GUCY2F: variants seen among roughly 807,000 people sequenced by gnomAD.
The protein encoded by GUCY2F is guanylate cyclase 2F, retinal, also known as retinal guanylyl cyclase 2.
A neutral mutation model predicts 73.1 loss-of-function variants in GUCY2F; 61 were observed. The observed-to-expected ratio is 0.83, with a 90% CI of 0.68 to 1.03. The LOEUF is 1.03. Ranked by LOEUF, GUCY2F falls within the 50% of genes least tolerant of loss-of-function variation. GUCY2F has a pLI of 0.00. For synonymous variants in GUCY2F, 331 were observed against 307.8 expected, an observed-to-expected ratio of 1.08 and a Z score of -0.79; for missense variants, 912 against 854.3, an observed-to-expected ratio of 1.07 and a Z score of -0.84.
intron 17 of GUCY2F, among the ~76,000 whole-genome samples, chrX:109,379,000 A>C (rs1220250616): frequency 8.9e-6 from 1 of 112,409 alleles, no homozygotes; most frequent in African/African-American, 3.2e-5. Flanking sequence ...AGATGAATGG[A>C]TAAAAAAAAT....
rs1052780092 is a variant in GUCY2F, at chrX:109,409,171, G to A, written c.1792-3C>T. The A allele has an allele frequency of 9.6e-7, 1 of 1,043,544 alleles. No homozygotes were observed. Among genetic ancestry groups the A allele is most frequent in the Middle Eastern group, 2.5e-4 (1 of 3,958 alleles). The allele number at this position is 1,043,544 out of a possible 1,213,427, so 86.0% of individuals were successfully genotyped here. ...TTCTCATGACGCAAGTCCTTCATCT[G>A]GAAATGAGAGACAGAAATGAGAGTC... is the stretch of plus-strand genomic sequence containing the variant. On this transcript the variant is annotated splice_region_variant and splice_polypyrimidine_tract_variant and intron_variant, in intron 8 of 19. Transcript: ENST00000218006.
Position 109,475,276 on chromosome X carries a change from T to G in GUCY2F, c.661A>C (p.Thr221Pro), listed in dbSNP as rs202148546. ...SHGLPVGVVL[T>P]TGQDSQSMRK... The stretch of plus-strand genomic sequence containing the variant: ...ATGCTTTGGCTGTCTTGTCCTGTGG[T>G]CAGGACGACCCCTACAGGTAAGCCG... The change falls in exon 2 of 20, where the codon ACC becomes CCC. Residue 221 changes from threonine to proline, a missense_variant. By Grantham distance (38) the Thr-to-Pro change is conservative. Coordinates refer to ENST00000218006, the MANE Select transcript of GUCY2F (RefSeq NM_001522.3). 26 of 1,207,549 alleles carry G rather than the reference T, an allele frequency of 2.2e-5. No individual in the cohort carries two copies. The Admixed American group carries it at 3.7e-4, about 17-fold the overall frequency.
chrX:109,445,595 T>G (rs952420242), intron 6 of GUCY2F, among the ~76,000 whole-genome samples: 2 of 111,967 alleles, frequency 1.8e-5, no homozygotes, highest in Non-Finnish European at 3.8e-5. Flanking sequence ...CTTTTTGATG[T>G]GCTGCTGGAT....
Position 109,385,252 on chromosome X carries a change from G to T in GUCY2F, c.2987C>A (p.Thr996Asn). The change falls in exon 16 of 20, where the codon ACC (threonine) becomes AAC (asparagine). Residue 996 changes from threonine (T) to asparagine (N), a missense_variant. Coordinates refer to ENST00000218006, the MANE Select transcript of GUCY2F (RefSeq NM_001522.3). ...GPVVAGVVGL[T>N]MPRYCLFGDT... ...TCCAAACAAGCAGTATCTGGGCATG[G>T]TGAGGCCCACCACTCCAGCAACAAC... 1 of 1,187,548 alleles carries T rather than the reference G, an allele frequency of 8.4e-7. No individual in the cohort carries two copies. The highest frequency in any genetic ancestry group is 1.1e-6 in the Non-Finnish European group (1 of 874,990).
At chrX:109,389,977 G>A (rs750940245) in intron 14 of GUCY2F, among the ~76,000 whole-genome samples, 2 of 112,033 alleles carry the variant, frequency 1.8e-5, no homozygotes, top group East Asian at 5.6e-4. Context: ...GCAATTTGAG[G>A]AAAGGATACC....
At chrX:109,461,213 T>TAGCATTTAG (rs1250504387) in intron 3 of GUCY2F, among the ~76,000 whole-genome samples, 1 of 111,836 alleles carries the variant, frequency 8.9e-6, no homozygotes, top group Non-Finnish European at 1.9e-5. Context: ...AGTAGCAGCA[T>TAGCATTTAG]AGCATTTAGA....
At chrX:109,420,523 C>G (rs1210406244) in intron 8 of GUCY2F, among the ~76,000 whole-genome samples, 1 of 110,693 alleles carries the variant, frequency 9.0e-6, no homozygotes, top group Non-Finnish European at 1.9e-5. Context: ...CAGAAGACAT[C>G]ATAGACAAGC....
chrX:109,430,218 A>C (rs1931579117), intron 8 of GUCY2F, 89 bp downstream of exon 8: 2 of 581,572 alleles, frequency 3.4e-6, no homozygotes, highest in South Asian at 5.2e-5. Flanking sequence ...TGATTTGTTA[A>C]GGGGTCTTCC....
Sources: gnomAD v4.1 joint callset for allele counts (sites outside exome capture counted in the v4.1 genomes callset) on GRCh38, gnomAD v4.1.1 for gene constraint, MANE v1.5 for transcripts, NCBI Gene and HGNC (gene_info 2026-07-23, HGNC 2026-07-21) for gene names.